The following DMD variants were observed in gnomAD, a reference collection of about 807,000 sequenced individuals.
DMD encodes mutant dystrophin.
A neutral mutation model predicts 330.1 loss-of-function variants in DMD; 63 were observed. The observed-to-expected ratio is 0.19, with a 90% confidence interval of 0.16 to 0.24. The LOEUF (loss-of-function observed/expected upper bound fraction) is 0.24, where lower values mean the gene tolerates loss of function less well. DMD is among the 10% of genes least tolerant of loss of function. DMD has a pLI of 1.00. For synonymous variants in DMD, 1,223 were observed against 959.8 expected (o/e 1.27, Z -5.07); for missense variants, 3,344 against 2,684.1 (o/e 1.25, Z -5.43).
At chrX:32,061,693 C>CCAT (rs1338182562) in intron 44 of DMD, among the ~76,000 whole-genome samples, 1 of 111,243 alleles carries the variant, frequency 9.0e-6, no homozygotes, top group Non-Finnish European at 1.9e-5. Context: ...GGGGTCATTT[C>CCAT]CATCATTCTG....
At chrX:31,904,093 A>T (rs1223664046) in intron 47 of DMD, among the ~76,000 whole-genome samples, 1 of 111,684 alleles carries the variant, frequency 9.0e-6, no homozygotes, top group African/African-American at 3.2e-5. Context: ...TCTCTTAGAG[A>T]AAAATATTTC....
chrX:31,197,765 A>C (rs1021753182), intron 67 of DMD, among the ~76,000 whole-genome samples: 7 of 111,692 alleles, frequency 6.3e-5, no homozygotes, highest in African/African-American at 2.3e-4. Context: ...CAAAATCGAA[A>C]CCACAAAAAG....
chrX:32,362,433 C>A (rs1314740967), intron 37 of DMD, among the ~76,000 whole-genome samples: 7 of 111,366 alleles, frequency 6.3e-5, no homozygotes, highest in Admixed American at 2.9e-4. Flanking sequence ...GACTTGTGTG[C>A]TTTTGGTTTT....
At chrX:32,050,711 T>C (rs1324391922) in intron 44 of DMD, among the ~76,000 whole-genome samples, 1 of 111,253 alleles carries the variant, frequency 9.0e-6, no homozygotes, top group Non-Finnish European at 1.9e-5. Context: ...AATAGATGTT[T>C]TTCATCCAGT....
At chrX:33,016,560 G>A (rs915792180) in intron 2 of DMD, among the ~76,000 whole-genome samples, 1 of 111,146 alleles carries the variant, frequency 9.0e-6, no homozygotes, top group Non-Finnish European at 1.9e-5. Context: ...ATCATATCAT[G>A]GGCTTTTGTG....
rs754421486 is a variant in DMD at position 32,917,006 on chromosome X, C to G, written c.94-67186G>C. ...ATGTGATATACTTTGGCTCTGTGTCCCCACCCAAATCTAATGCCAAATAGT... is the reference window on the plus strand; with the variant it reads ...ATGTGATATACTTTGGCTCTGTGTCGCCACCCAAATCTAATGCCAAATAGT... On this transcript the variant is annotated intron_variant, in intron 2 of 78. Transcript: ENST00000357033. 7.2e-5 allele frequency among the ~76,000 whole-genome samples: 8 copies of G among 111,192 alleles called. No individual in the cohort carries two copies. In the East Asian group the frequency reaches 2.3e-3, roughly 32 times the overall value.
chrX:31,333,302 A>AT (rs755157850), intron 61 of DMD, among the ~76,000 whole-genome samples: 1 of 103,198 alleles, frequency 9.7e-6, no homozygotes, highest in Non-Finnish European at 2.0e-5. Context: ...CAAGCTTACT[A>AT]TTTTTTTTCC....
intron 55 of DMD, among the ~76,000 whole-genome samples, chrX:31,566,188 A>G (rs2075454764): frequency 9.0e-6 from 1 of 111,612 alleles, no homozygotes; most frequent in Non-Finnish European, 1.9e-5. Flanking sequence ...TAGAGCCTGA[A>G]GATTTTCTCA....
At chrX:31,369,123 C>T (rs2733459) in intron 60 of DMD, among the ~76,000 whole-genome samples, 1 of 111,004 alleles carries the variant, frequency 9.0e-6, no homozygotes, top group Admixed American at 9.5e-5. Context: ...TTAAGACCCT[C>T]TTTGTCATCA....
chrX:32,173,203 G>GA (rs1414466839), intron 44 of DMD, among the ~76,000 whole-genome samples: 10 of 107,937 alleles, frequency 9.3e-5, no homozygotes, highest in Admixed American at 3.0e-4. Flanking sequence ...GGTCGTTGGA[G>GA]AAAAAAATCA....
intron 55 of DMD, among the ~76,000 whole-genome samples, chrX:31,522,363 CTATATA>C (rs1556678891): frequency 2.8e-4 from 10 of 35,962 alleles, no homozygotes; most frequent in African/African-American, 5.7e-4. Flanking sequence ...CTCTCTCTCT[CTATATA>C]TATATATATA....
chrX:32,906,614 T>C (rs746738306), intron 2 of DMD, among the ~76,000 whole-genome samples: 1 of 111,755 alleles, frequency 8.9e-6, no homozygotes, highest in South Asian at 3.8e-4. Context: ...TCCAGTTATG[T>C]AGGTCAAGGT....
chrX:31,710,290 A>G (rs903343393), intron 52 of DMD, among the ~76,000 whole-genome samples: 44 of 111,764 alleles, frequency 3.9e-4, no homozygotes, highest in African/African-American at 1.4e-3. Context: ...GTGACAGATA[A>G]TAGGAGAGTG....
intron 1 of DMD, among the ~76,000 whole-genome samples, chrX:33,257,498 T>G (rs1439071306): frequency 1.8e-5 from 2 of 111,430 alleles, no homozygotes; most frequent in Non-Finnish European, 3.8e-5. Context: ...AAGAGATTAA[T>G]TCATCCTTAC....
At chrX:32,614,617 G>C (rs921953233) in intron 11 of DMD, among the ~76,000 whole-genome samples, 164 bp from the exon 12 acceptor site, 1 of 110,868 alleles carries the variant, frequency 9.0e-6, no homozygotes, top group African/African-American at 3.3e-5. Flanking sequence ...AGTCACCCCG[G>C]AACTATTATT....
chrX:31,310,334 G>T (rs1475097625), intron 62 of DMD, among the ~76,000 whole-genome samples: 1 of 107,977 alleles, frequency 9.3e-6, no homozygotes, highest in Non-Finnish European at 1.9e-5. Context: ...TTGAACTTTT[G>T]CTGTGCCTGC....
intron 51 of DMD, among the ~76,000 whole-genome samples, chrX:31,746,769 C>T (rs1441770914): frequency 1.8e-5 from 2 of 110,260 alleles, no homozygotes; most frequent in Admixed American, 9.8e-5. Context: ...AAGTGTGAAA[C>T]AGGAGTGCAT....
At chrX:33,296,598 A>T (rs1178867003) in intron 1 of DMD, among the ~76,000 whole-genome samples, 3 of 111,025 alleles carry the variant, frequency 2.7e-5, no homozygotes, top group East Asian at 5.6e-4. Flanking sequence ...AAAAAGAAAA[A>T]TTCTAGTTTT....
chrX:32,791,168 G>A (rs1449286919), intron 7 of DMD, among the ~76,000 whole-genome samples: 2 of 111,430 alleles, frequency 1.8e-5, no homozygotes, highest in Non-Finnish European at 3.8e-5. Flanking sequence ...TGCCCAATCT[G>A]TTGCATCCAC....
Sources: allele counts gnomAD v4.1 joint callset (sites outside exome capture counted in the v4.1 genomes callset), GRCh38; gene constraint gnomAD v4.1.1; transcripts MANE v1.5; gene names NCBI Gene and HGNC (gene_info 2026-07-23, HGNC 2026-07-21).